Variants in IL18RAP observed in about 807,000 individuals in gnomAD.
IL18RAP encodes the protein interleukin-18 receptor accessory protein.
A neutral mutation model predicts 58.1 loss-of-function variants in IL18RAP; 37 were observed. That is an observed-to-expected ratio of 0.64 (90% CI 0.49 to 0.84). IL18RAP has a LOEUF of 0.84. Ranked by LOEUF, IL18RAP falls within the 40% of genes least tolerant of loss-of-function variation. The probability of loss-of-function intolerance (pLI) is 0.00; values close to 1 mark genes in which losing one functional copy is unlikely to be tolerated. For missense variants in IL18RAP, 667 were observed against 704.8 expected, an observed-to-expected ratio of 0.95 and a Z score of 0.61; for synonymous variants, 268 against 257.5, an observed-to-expected ratio of 1.04 and a Z score of -0.39.
chr2:102,451,457 C>A (rs1013805221), intron 9 of IL18RAP, among the ~76,000 whole-genome samples: 1 of 152,204 alleles, frequency 6.6e-6, no homozygotes, highest in African/African-American at 2.4e-5. Context: ...GCCTCCTCCT[C>A]CTCAGATACC....
In IL18RAP at chr2:102,441,352, C is replaced by G. The variant is rs781511048; in HGVS notation, c.771C>G (p.Val257=). 1.9e-6 allele frequency: 3 copies of G among 1,613,264 alleles called. No homozygotes were observed. The Admixed American group carries it at 5.0e-5, about 27-fold the overall frequency. The change falls in exon 5 of 10, where the codon GTC becomes GTG. Residue 257 remains valine, a synonymous_variant. Transcript: ENST00000687160. The stretch of plus-strand genomic sequence containing the variant: ...TCAAACCAGATATTCTGGATCCTGT[C>G]GAGGACACACTGGAAGTAGAACTTG... ...TKLKPDILDP[V]EDTLEVELGK... is the part of the protein sequence containing the mutation.
intron 8 of IL18RAP, among the ~76,000 whole-genome samples, chr2:102,449,992 T>C (rs542559720): frequency 6.6e-6 from 1 of 152,132 alleles, no homozygotes; most frequent in Non-Finnish European, 1.5e-5. Context: ...TCATTTTAGG[T>C]TCACCTTGAA....
At chr2:102,421,357 C>T (rs900388364), upstream of IL18RAP, among the ~76,000 whole-genome samples, 10 of 152,184 alleles carry the variant, frequency 6.6e-5, no homozygotes, top group Non-Finnish European at 1.3e-4. Flanking sequence ...GAGAGCCAAA[C>T]GCTACAGCAT....
chr2:102,422,439 A>G (rs953083861), upstream of IL18RAP, among the ~76,000 whole-genome samples: 1 of 152,148 alleles, frequency 6.6e-6, no homozygotes, highest in Non-Finnish European at 1.5e-5. Context: ...CTTGTTACAG[A>G]TGCCCCAGGC....
Position 102,452,200 on chromosome 2 carries a change from C to A in IL18RAP, c.*19C>A, listed in dbSNP as rs762648089. On this transcript the variant is annotated 3_prime_UTR_variant, in exon 10 of 10. Transcript: ENST00000687160. ...ATGGTGAAATGAGCCCTGGAGCCCC[C>A]TCCAGTCCAGTCCCTGGGATAGAGA... 4.6e-5 allele frequency: 73 copies of A among 1,573,680 alleles called. 2 individuals are homozygous for A. In the South Asian group the frequency reaches 8.5e-4, roughly 18 times the overall value.
In IL18RAP at chr2:102,424,075, A is replaced by C. The variant is rs1323465670; in HGVS notation, c.335A>C (p.His112Pro). Residue 112 changes from histidine (H) to proline (P), a missense_variant, in exon 2 of 10, where the codon CAC (histidine) becomes CCC (proline). Coordinates refer to ENST00000687160, the MANE Select transcript of IL18RAP (RefSeq NM_001393487.1). ...ATCATTCAGGACAAATGTACCCTTC[A>C]CTTTTTGACCCCAGGGGTGAATAAT... ...PHIIQDKCTL[H>P]FLTPGVNNSG... 5 of 1,614,066 alleles carry C rather than the reference A, an allele frequency of 3.1e-6. No homozygotes were observed. Among genetic ancestry groups the C allele is most frequent in the Non-Finnish European group, 4.2e-6 (5 of 1,179,972 alleles).
chr2:102,444,632 T>A (rs1051184282), intron 6 of IL18RAP, among the ~76,000 whole-genome samples: 3 of 152,186 alleles, frequency 2.0e-5, no homozygotes, highest in Middle Eastern at 3.2e-3. Flanking sequence ...ACTCAAATTG[T>A]GAATAAATGC....
intron 3 of IL18RAP, among the ~76,000 whole-genome samples, chr2:102,426,987 A>G (rs893627056): frequency 1.3e-5 from 2 of 152,114 alleles, no homozygotes; most frequent in Non-Finnish European, 2.9e-5. Flanking sequence ...AAGGTTCTAT[A>G]TATGAGTGAG....
At chr2:102,437,416 T>C in intron 4 of IL18RAP, 54 bp downstream of exon 4, 3 of 1,562,494 alleles carry the variant, frequency 1.9e-6, no homozygotes, top group South Asian at 2.4e-5. Context: ...ATTAAAATTA[T>C]CTTCTTTTGG....
At chr2:102,436,878 C>G (rs1445206456) in intron 3 of IL18RAP, among the ~76,000 whole-genome samples, 1 of 151,468 alleles carries the variant, frequency 6.6e-6, no homozygotes, top group Non-Finnish European at 1.5e-5. Context: ...AGTTTCAGCC[C>G]TTAGAACACT....
intron 3 of IL18RAP, among the ~76,000 whole-genome samples, chr2:102,428,865 G>T (rs567140434): frequency 6.6e-6 from 1 of 151,872 alleles, no homozygotes; most frequent in Non-Finnish European, 1.5e-5. Context: ...ATTGTATTGA[G>T]GTACAGTCCC....
intron 6 of IL18RAP, 113 bp downstream of exon 6, chr2:102,443,436 T>G: frequency 7.9e-7 from 1 of 1,265,694 alleles, no homozygotes; most frequent in Non-Finnish European, 1.1e-6. Context: ...CGACTAGTGG[T>G]GAAAATAAAA....
intron 3 of IL18RAP, among the ~76,000 whole-genome samples, chr2:102,425,179 C>A (rs1190447691): frequency 6.6e-6 from 1 of 152,076 alleles, no homozygotes; most frequent in Non-Finnish European, 1.5e-5. Context: ...ATTTGAAGTT[C>A]AATACTTTGT....
intron 9 of IL18RAP, among the ~76,000 whole-genome samples, chr2:102,451,266 T>C (rs996278282): frequency 3.3e-5 from 5 of 152,178 alleles, no homozygotes; most frequent in African/African-American, 1.2e-4. Context: ...AAGATACCTC[T>C]CCTGGCTTCG....
chr2:102,431,420 G>T (rs1682348585), intron 3 of IL18RAP, among the ~76,000 whole-genome samples: 1 of 152,142 alleles, frequency 6.6e-6, no homozygotes, highest in Non-Finnish European at 1.5e-5. Flanking sequence ...GGTTGAATTT[G>T]ATTGGCAACT....
chr2:102,447,463 G>T (rs1315587661), intron 8 of IL18RAP, among the ~76,000 whole-genome samples: 1 of 152,168 alleles, frequency 6.6e-6, no homozygotes, highest in Non-Finnish European at 1.5e-5. Flanking sequence ...ACTGAGGAAG[G>T]CTGGAGAAAC....
chr2:102,443,469 C>T (rs1016357386), intron 6 of IL18RAP, 146 bp downstream of exon 6: 13 of 837,250 alleles, frequency 1.6e-5, no homozygotes, highest in South Asian at 1.2e-4. Context: ...AAAGTGCAAA[C>T]GGCCGTTGAA....
chr2:102,443,082 T>C (rs1171104697), intron 5 of IL18RAP, 118 bp from the exon 6 acceptor site: 1 of 930,632 alleles, frequency 1.1e-6, no homozygotes, highest in East Asian at 2.5e-5. Context: ...GCACACATAT[T>C]CTACCTGCAA....
intron 4 of IL18RAP, chr2:102,439,124 G>A (rs1465301172): frequency 1.3e-5 from 2 of 152,224 alleles, no homozygotes; most frequent in Non-Finnish European, 1.5e-5. Flanking sequence ...TATCTAATAC[G>A]TGTTAAAATT....
Sources: allele counts gnomAD v4.1 joint callset (sites outside exome capture counted in the v4.1 genomes callset), GRCh38; gene constraint gnomAD v4.1.1; transcripts MANE v1.5; gene names NCBI Gene and HGNC (gene_info 2026-07-23, HGNC 2026-07-21).